Variants in AMBRA1 observed in about 807,000 individuals in gnomAD.
The protein encoded by AMBRA1 is activating molecule in BECN1-regulated autophagy protein 1.
A neutral mutation model predicts 125.4 loss-of-function variants in AMBRA1; 47 were observed. The ratio of observed to expected loss-of-function variants is 0.37; its 90% CI spans 0.30 to 0.48. The LOEUF (loss-of-function observed/expected upper bound fraction) is 0.48. Ranked by LOEUF, AMBRA1 falls within the 20% of genes least tolerant of loss-of-function variation. The pLI is 0.99. For missense variants in AMBRA1, 1,331 were observed against 1,693.4 expected (o/e 0.79, Z 3.76); for synonymous variants, 626 against 655.5 (o/e 0.95, Z 0.69).
intron 11 of AMBRA1, among the ~76,000 whole-genome samples, chr11:46,477,747 G>A (rs1426118865): frequency 6.6e-6 from 1 of 151,952 alleles, no homozygotes; most frequent in Admixed American, 6.6e-5. Flanking sequence ...AGCGACTGAG[G>A]TGGTTCTAAA....
intron 1 of AMBRA1, among the ~76,000 whole-genome samples, chr11:46,579,147 CAT>C (rs906075888): frequency 2.0e-5 from 3 of 148,438 alleles, no homozygotes; most frequent in African/African-American, 5.0e-5. Flanking sequence ...AAAGGCTAAA[CAT>C]AGCAAATTTT....
In AMBRA1 at chr11:46,409,643, C is replaced by CA. The variant is rs533891025; in HGVS notation, c.3209+632dup. The stretch of plus-strand genomic sequence containing the variant: ...CCCCCTTCCTTGGGCATCTCCCAGG[C>CA]ACTGCCTTGGAATAGCTGGAGCTGG... On this transcript the variant is annotated intron_variant, in intron 16 of 17. Transcript: ENST00000683756. Among the ~76,000 whole-genome samples, 183 of 152,358 alleles carry CA rather than the reference C, an allele frequency of 1.2e-3. 1 individual carries two copies. The highest frequency in any genetic ancestry group is 4.3e-3 in the African/African-American group (177 of 41,586).
intron 12 of AMBRA1, among the ~76,000 whole-genome samples, chr11:46,441,161 A>G (rs1947982339): frequency 6.6e-6 from 1 of 152,258 alleles, no homozygotes; most frequent in Non-Finnish European, 1.5e-5. Context: ...CAGGAAAAAG[A>G]AACTACAGTT....
At chr11:46,578,209 G>A (rs1405465349) in intron 1 of AMBRA1, among the ~76,000 whole-genome samples, 1 of 151,872 alleles carries the variant, frequency 6.6e-6, no homozygotes, top group Admixed American at 6.6e-5. Flanking sequence ...AGGTAGGGCC[G>A]GACGTGGTGG....
chr11:46,401,238 A>T (rs1945741332), intron 17 of AMBRA1, among the ~76,000 whole-genome samples: 1 of 136,586 alleles, frequency 7.3e-6, no homozygotes, highest in African/African-American at 2.6e-5. Flanking sequence ...CGCTGTGCCT[A>T]GTGAATTCTC....
intron 1 of AMBRA1, among the ~76,000 whole-genome samples, chr11:46,584,713 G>T (rs2044305733): frequency 6.6e-6 from 1 of 152,000 alleles, no homozygotes; most frequent in Admixed American, 6.6e-5. Flanking sequence ...GGCTCAGGCA[G>T]TCCTCCTGCC....
At chr11:46,520,134 C>T (rs565567629) in intron 7 of AMBRA1, among the ~76,000 whole-genome samples, 6 of 142,134 alleles carry the variant, frequency 4.2e-5, no homozygotes, top group South Asian at 4.5e-4. Context: ...AGTGAAACTC[C>T]GCCTCGAAAA....
intron 1 of AMBRA1, among the ~76,000 whole-genome samples, chr11:46,580,270 A>C (rs1358573592): frequency 6.6e-6 from 1 of 151,754 alleles, no homozygotes; most frequent in African/African-American, 2.4e-5. Context: ...TTCTCCTCCT[A>C]CTCTATACTT....
At chr11:46,423,764 T>A (rs1332370233) in intron 14 of AMBRA1, among the ~76,000 whole-genome samples, 1 of 144,914 alleles carries the variant, frequency 6.9e-6, no homozygotes, top group African/African-American at 2.6e-5. Context: ...CCCATTTTTT[T>A]TTTTTTTTTT....
chr11:46,441,048 C>T (rs117690052), intron 12 of AMBRA1, among the ~76,000 whole-genome samples: 2 of 152,140 alleles, frequency 1.3e-5, no homozygotes, highest in East Asian at 3.9e-4. Flanking sequence ...CTACTTTTTG[C>T]TAACAATCTG....
chr11:46,589,317 G>A (rs2044509453), intron 1 of AMBRA1, among the ~76,000 whole-genome samples: 1 of 152,052 alleles, frequency 6.6e-6, no homozygotes, highest in Non-Finnish European at 1.5e-5. Flanking sequence ...AAATATAAAT[G>A]ACCCCAAACC....
chr11:46,457,629 A>G (rs1434729833), intron 11 of AMBRA1, among the ~76,000 whole-genome samples: 1 of 152,174 alleles, frequency 6.6e-6, no homozygotes, highest in Non-Finnish European at 1.5e-5. Context: ...GGCCAGGCGC[A>G]GTGGCTCACG....
At chr11:46,489,144 C>T (rs1950377041) in intron 11 of AMBRA1, among the ~76,000 whole-genome samples, 1 of 152,074 alleles carries the variant, frequency 6.6e-6, no homozygotes, top group East Asian at 1.9e-4. Context: ...TATACATGTG[C>T]CATGCTGGTG....
intron 11 of AMBRA1, among the ~76,000 whole-genome samples, chr11:46,479,543 A>C (rs184094913): frequency 5.0e-4 from 76 of 152,204 alleles, no homozygotes; most frequent in African/African-American, 1.6e-3. Context: ...CTAAAAATAC[A>C]AAAATTAGCC....
intron 11 of AMBRA1, among the ~76,000 whole-genome samples, chr11:46,471,374 C>T (rs1036410368): frequency 2.0e-5 from 3 of 151,842 alleles, no homozygotes; most frequent in Non-Finnish European, 4.4e-5. Flanking sequence ...GTCAGGAGAT[C>T]GAGACCACCC....
intron 1 of AMBRA1, among the ~76,000 whole-genome samples, chr11:46,567,936 T>A (rs145087448): frequency 3.3e-5 from 5 of 151,878 alleles, no homozygotes; most frequent in African/African-American, 9.7e-5. Context: ...TCACTTGACA[T>A]CAGGGGTCTG....
At chr11:46,510,787 T>G (rs1951226905) in intron 8 of AMBRA1, among the ~76,000 whole-genome samples, 2 of 152,162 alleles carry the variant, frequency 1.3e-5, no homozygotes. Flanking sequence ...GGTGTCTCAC[T>G]AAGGCTCTGA....
At chr11:46,575,301 C>T (rs2043917982) in intron 1 of AMBRA1, among the ~76,000 whole-genome samples, 1 of 151,790 alleles carries the variant, frequency 6.6e-6, no homozygotes, top group Non-Finnish European at 1.5e-5. Flanking sequence ...CTACTAAAAA[C>T]ACAAAATTAT....
intron 17 of AMBRA1, among the ~76,000 whole-genome samples, chr11:46,405,017 C>T (rs1434025213): frequency 6.6e-6 from 1 of 152,198 alleles, no homozygotes; most frequent in Non-Finnish European, 1.5e-5. Context: ...ACTTGCCTTC[C>T]CCACTCATCC....
Sources: allele counts gnomAD v4.1 joint callset (sites outside exome capture counted in the v4.1 genomes callset), GRCh38; gene constraint gnomAD v4.1.1; transcripts MANE v1.5; gene names NCBI Gene and HGNC (gene_info 2026-07-23, HGNC 2026-07-21).